Variants in ALDH1L1 observed in about 807,000 individuals in gnomAD.
ALDH1L1 encodes aldehyde dehydrogenase 1 family member L1, also known as cytosolic 10-formyltetrahydrofolate dehydrogenase.
Under a neutral mutation model 101.1 loss-of-function variants are expected in ALDH1L1, and 68 were observed. The observed-to-expected ratio is 0.67, with a 90% CI of 0.55 to 0.82. The LOEUF is 0.82. Ranked by LOEUF, ALDH1L1 falls within the 40% of genes least tolerant of loss-of-function variation. The probability of loss-of-function intolerance (pLI) is 0.00; values close to 1 mark genes in which losing one functional copy is unlikely to be tolerated. For synonymous variants in ALDH1L1, 486 were observed against 470.8 expected (o/e 1.03, Z -0.42); for missense variants, 1,087 against 1,172.7 (o/e 0.93, Z 1.07).
At chr3:126,181,251 G>A (rs375675392), upstream of ALDH1L1, 37 of 562,188 alleles carry the variant, frequency 6.6e-5, no homozygotes, top group Admixed American at 4.3e-4. Context: ...GTAGAATGCC[G>A]GGAGTGATAA....
chr3:126,114,514 G>A (rs373804934), intron 18 of ALDH1L1, 43 bp downstream of exon 18: 13 of 1,443,424 alleles, frequency 9.0e-6, no homozygotes, highest in Non-Finnish European at 1.2e-5. Flanking sequence ...TACAGTCCCT[G>A]TTCCCGCTCA....
At position 126,137,871 on chromosome 3, in the gene ALDH1L1, T is replaced by C; in HGVS notation, c.1166A>G (p.Gln389Arg). The stretch of plus-strand genomic sequence containing the variant: ...CCCTCGCAGCTTCCTCACTAACAGC[T>C]GGATGAAGTCCCCAAAGGTGGATGC... ...YMASTFGDFI[Q>R]LLVRKLRGDD... is the part of the protein sequence containing the mutation. Residue 389 changes from glutamine to arginine, a missense_variant, in exon 10 of 23, where the codon CAG (glutamine) becomes CGG (arginine). By Grantham distance (43) the Gln-to-Arg change is conservative. Coordinates refer to ENST00000393434, the MANE Select transcript of ALDH1L1 (RefSeq NM_012190.4). The C allele has an allele frequency of 6.2e-7, 1 of 1,614,182 alleles. No homozygotes were observed. Among genetic ancestry groups the C allele is most frequent in the Non-Finnish European group, 8.5e-7 (1 of 1,180,026 alleles).
At chr3:126,124,302 T>C (rs2080135994) in intron 16 of ALDH1L1, 62 bp downstream of exon 16, 1 of 1,460,444 alleles carries the variant, frequency 6.8e-7, no homozygotes, top group African/African-American at 1.4e-5. Context: ...TAGGGCCTGC[T>C]CTGCCCAATG....
At chr3:126,180,779 G>A, upstream of ALDH1L1, 1 of 1,469,198 alleles carries the variant, frequency 6.8e-7, no homozygotes, top group South Asian at 1.4e-5. Context: ...GCTCTTTCCC[G>A]CTTAGGTCAA....
At chr3:126,105,671 C>T (rs759841196) in intron 22 of ALDH1L1, 55 bp downstream of exon 22, 3 of 1,600,914 alleles carry the variant, frequency 1.9e-6, no homozygotes, top group Non-Finnish European at 2.6e-6. Flanking sequence ...TGGTTTTGAA[C>T]AGATGTTTGT....
rs144483835 is a variant in ALDH1L1, at chr3:126,131,335, G to A, written c.1623+49C>T. 2,111 of 1,519,074 alleles carry A rather than the reference G, an allele frequency of 1.4e-3. 16 individuals are homozygous for A. In the African/African-American group the frequency reaches 0.024, roughly 17 times the overall value. 94.1% of individuals were successfully genotyped at this position (1,519,074 alleles called of 1,614,324 possible). A position where few individuals can be genotyped will look rare whatever the true frequency, so the allele number is the denominator to read the frequency against. On this transcript the variant is annotated intron_variant, in intron 13 of 22. Coordinates refer to ENST00000393434, the MANE Select transcript of ALDH1L1 (RefSeq NM_012190.4). ...GCTGCCCTTGGAGTTCTCCTATATG[G>A]CTGGGCCAGTCTGCATGTGCTCACA...
At position 126,135,308 on chromosome 3, in the gene ALDH1L1, C is replaced by G; in HGVS notation, c.1472+227G>C. 6 of 462,304 alleles carry G rather than the reference C, an allele frequency of 1.3e-5. No homozygotes were observed. The South Asian group carries it at 1.6e-4, about 12-fold the overall frequency. 28.6% of individuals were successfully genotyped at this position (462,304 alleles called of 1,614,324 possible). A position where few individuals can be genotyped will look rare whatever the true frequency, so the allele number is the denominator to read the frequency against. Reference sequence around the variant, plus strand: ...CTCCACCAGGCACCTCCCCTGAGCCCACTCTGCTGAAATGTCTCCTGTTTC... The same window carrying G: ...CTCCACCAGGCACCTCCCCTGAGCCGACTCTGCTGAAATGTCTCCTGTTTC... On this transcript the variant is annotated intron_variant, in intron 12 of 22. Coordinates refer to ENST00000393434, the MANE Select transcript of ALDH1L1 (RefSeq NM_012190.4).
chr3:126,103,918 A>G, intron 22 of ALDH1L1, 72 bp from the exon 23 acceptor site: 2 of 1,548,708 alleles, frequency 1.3e-6, no homozygotes, highest in African/African-American at 2.7e-5. Context: ...CAAGTGTCTT[A>G]TTCCTCAGCA....
At chr3:126,191,573 T>G (rs1356719923) in intron 1 of ALDH1L1, among the ~76,000 whole-genome samples, 1 of 152,238 alleles carries the variant, frequency 6.6e-6, no homozygotes, top group Non-Finnish European at 1.5e-5. Flanking sequence ...GCATTCTTAG[T>G]GAGCTCATAC....
In ALDH1L1 at chr3:126,136,856, C is replaced by T; in HGVS notation, c.1252G>A (p.Val418Ile). 6.2e-7 allele frequency: 1 copy of T among 1,613,004 alleles called. No homozygotes were observed. The highest frequency in any genetic ancestry group is 1.1e-5 in the South Asian group (1 of 90,574). Reference protein sequence around the residue: ...YVEMAVNKRTVRMPHQLFIGG... With the variant: ...YVEMAVNKRTIRMPHQLFIGG... Reference sequence around the variant, plus strand: ...ATGAAGAGCTGGTGGGGCATGCGGACAGTGCGCTTGTTCACTGCCATTTCC... The same window carrying T: ...ATGAAGAGCTGGTGGGGCATGCGGATAGTGCGCTTGTTCACTGCCATTTCC... The change falls in exon 11 of 23, where the codon GTC becomes ATC. Residue 418 changes from valine to isoleucine, a missense_variant. Val to Ile is a conservative substitution (Grantham distance 29). Transcript: ENST00000393434.
rs139827128 is a variant in ALDH1L1 at position 126,158,533 on chromosome 3, G to A, written c.234C>T (p.Ala78=). The change falls in exon 3 of 23, where the codon GCC becomes GCT. Residue 78 remains alanine (A), a synonymous_variant. Coordinates refer to ENST00000393434, the MANE Select transcript of ALDH1L1 (RefSeq NM_012190.4). ...DVVAKYQALG[A]ELNVLPFCSQ... is the part of the protein sequence containing the mutation. ...TGCAGAAGGGCAGGACGTTGAGCTC[G>A]GCCCCCAAAGCCTGGTATTTTGCCA... 2,729 of 1,614,166 alleles carry A rather than the reference G, an allele frequency of 1.7e-3. 9 individuals are homozygous for A. Among genetic ancestry groups the A allele is most frequent in the Middle Eastern group, 0.011 (67 of 6,062 alleles).
chr3:126,130,306 C>T lies in ALDH1L1; in HGVS notation c.1624-13G>A, dbSNP rs762215093. 3 of 1,598,888 alleles carry T rather than the reference C, an allele frequency of 1.9e-6. No homozygotes were observed. Among genetic ancestry groups the T allele is most frequent in the South Asian group, 2.3e-5 (2 of 88,236 alleles). On this transcript the variant is annotated splice_polypyrimidine_tract_variant and intron_variant, in intron 13 of 22. Transcript: ENST00000393434. ...GGATGGTGGAGCCCTGGAAGAGGAA[C>T]AGGGGCAGTCACCCAGGGGCCCAGG...
At chr3:126,135,497 T>C in intron 12 of ALDH1L1, 38 bp downstream of exon 12, 1 of 1,592,822 alleles carries the variant, frequency 6.3e-7, no homozygotes, top group East Asian at 2.3e-5. Context: ...CAGAAGCTGA[T>C]GGTGGCAGTG....
At chr3:126,176,633 A>T (rs2081368613) in intron 1 of ALDH1L1, among the ~76,000 whole-genome samples, 1 of 152,194 alleles carries the variant, frequency 6.6e-6, no homozygotes, top group South Asian at 2.1e-4. Context: ...TGTTTACAGC[A>T]TCTTTATTTG....
intron 21 of ALDH1L1, among the ~76,000 whole-genome samples, chr3:126,106,476 C>A (rs865987681): frequency 2.6e-5 from 4 of 152,176 alleles, no homozygotes; most frequent in Middle Eastern, 3.2e-3. Context: ...GCCTCAGTGG[C>A]CCCACTGTGA....
At chr3:126,189,288 T>G (rs1176382100) in intron 1 of ALDH1L1, among the ~76,000 whole-genome samples, 3 of 152,164 alleles carry the variant, frequency 2.0e-5, no homozygotes, top group Non-Finnish European at 4.4e-5. Flanking sequence ...AGTAAAAAAG[T>G]AGGCATAAAC....
chr3:126,136,963 C>A, intron 10 of ALDH1L1, 80 bp from the exon 11 acceptor site: 1 of 1,574,284 alleles, frequency 6.4e-7, no homozygotes. Context: ...CAGTCACACA[C>A]ACACACTGCC....
chr3:126,131,303 T>C (rs1353428208), intron 13 of ALDH1L1, 81 bp downstream of exon 13: 1 of 1,440,210 alleles, frequency 6.9e-7, no homozygotes, highest in South Asian at 1.5e-5. Flanking sequence ...AGCATGCAGA[T>C]GACTGTGCTG....
In ALDH1L1 at chr3:126,131,374, T is replaced by G. The variant is rs2080299799; in HGVS notation, c.1623+10A>C. 6.3e-7 allele frequency: 1 copy of G among 1,589,712 alleles called. No homozygotes were observed. The highest frequency in any genetic ancestry group is 1.1e-5 in the South Asian group (1 of 89,374). On this transcript the variant is annotated intron_variant, in intron 13 of 22. Transcript: ENST00000393434. ...CATGTGCTCACACTGGGTGGGAGCC[T>G]GGGCCCCACCTGGATCTTGTCACAC...
Sources: allele counts gnomAD v4.1 joint callset (sites outside exome capture counted in the v4.1 genomes callset), GRCh38; gene constraint gnomAD v4.1.1; transcripts MANE v1.5; gene names NCBI Gene and HGNC (gene_info 2026-07-23, HGNC 2026-07-21).